The following ARHGEF3 variants were observed in gnomAD, a reference collection of about 807,000 sequenced individuals.
ARHGEF3 encodes 59.8 kDA protein.
In ARHGEF3, 28 loss-of-function variants were observed where a neutral mutation model predicts 63.2. The observed-to-expected ratio is 0.44, with a 90% CI of 0.33 to 0.61. ARHGEF3 has a LOEUF of 0.61. ARHGEF3 is among the 20% of genes least tolerant of loss of function. ARHGEF3 has a pLI of 0.03. For synonymous variants in ARHGEF3, 266 were observed against 254.2 expected (o/e 1.05, Z -0.44); for missense variants, 533 against 659.3 (o/e 0.81, Z 2.10).
At chr3:57,052,785 G>T (rs775539964) in intron 1 of ARHGEF3, among the ~76,000 whole-genome samples, 1 of 152,122 alleles carries the variant, frequency 6.6e-6, no homozygotes, top group African/African-American at 2.4e-5. Context: ...GAATCGAAGT[G>T]CGTCCTTCTC....
At chr3:56,745,062 T>C (rs1259063691) in intron 7 of ARHGEF3, 143 bp downstream of exon 7, 2 of 1,068,518 alleles carry the variant, frequency 1.9e-6, no homozygotes, top group Non-Finnish European at 2.7e-6. Context: ...AATCAAAACA[T>C]GGTTGATGGC....
intron 2 of ARHGEF3, among the ~76,000 whole-genome samples, chr3:56,961,619 T>C (rs1700284209): frequency 6.7e-6 from 1 of 149,010 alleles, no homozygotes; most frequent in Non-Finnish European, 1.5e-5. Context: ...GCAACTTAAG[T>C]GTCCCTGTCA....
intron 1 of ARHGEF3, chr3:57,060,409 G>C (rs1432710364): frequency 6.6e-6 from 1 of 152,168 alleles, no homozygotes; most frequent in Non-Finnish European, 1.5e-5. Context: ...AAAAAGTCTA[G>C]GTTCTGCAGG....
intron 2 of ARHGEF3, among the ~76,000 whole-genome samples, chr3:56,979,751 T>C (rs1701255905): frequency 6.6e-6 from 1 of 152,228 alleles, no homozygotes; most frequent in African/African-American, 2.4e-5. Context: ...CTTAGCCCTT[T>C]GTGGGTGACT....
chr3:56,829,458 T>C (rs1447474371), intron 4 of ARHGEF3, among the ~76,000 whole-genome samples: 1 of 152,128 alleles, frequency 6.6e-6, no homozygotes, highest in Non-Finnish European at 1.5e-5. Flanking sequence ...TCAAAGCCCA[T>C]AGTTGGAATA....
intron 2 of ARHGEF3, among the ~76,000 whole-genome samples, chr3:56,976,918 C>G (rs527348729): frequency 6.6e-6 from 1 of 152,022 alleles, no homozygotes; most frequent in South Asian, 2.1e-4. Flanking sequence ...ACCTCAATGA[C>G]GGCTAAAAAA....
chr3:56,953,343 G>A (rs1187520551), intron 3 of ARHGEF3, among the ~76,000 whole-genome samples: 1 of 152,222 alleles, frequency 6.6e-6, no homozygotes, highest in Non-Finnish European at 1.5e-5. Flanking sequence ...TCTATACACG[G>A]AGAATGGAAT....
At chr3:57,060,928 A>G (rs1348123551) in intron 1 of ARHGEF3, 1 of 152,156 alleles carries the variant, frequency 6.6e-6, no homozygotes, top group Non-Finnish European at 1.5e-5. Flanking sequence ...ATAAAGAAAA[A>G]GTCCAGGAGA....
At chr3:57,057,602 G>A (rs1024833348) in intron 1 of ARHGEF3, among the ~76,000 whole-genome samples, 4 of 151,850 alleles carry the variant, frequency 2.6e-5, no homozygotes, top group African/African-American at 9.7e-5. Context: ...CCCAGGGTAA[G>A]TCACACCCAC....
At chr3:56,811,581 G>T (rs375311226) in intron 4 of ARHGEF3, among the ~76,000 whole-genome samples, 1 of 152,150 alleles carries the variant, frequency 6.6e-6, no homozygotes, top group Non-Finnish European at 1.5e-5. Flanking sequence ...GGGGCTAGTT[G>T]GTGTGGGTTA....
At chr3:56,980,489 T>C (rs1212102909) in intron 2 of ARHGEF3, among the ~76,000 whole-genome samples, 1 of 152,202 alleles carries the variant, frequency 6.6e-6, no homozygotes, top group Non-Finnish European at 1.5e-5. Context: ...AGGCGACTCA[T>C]TGTGGGTCGG....
intron 3 of ARHGEF3, among the ~76,000 whole-genome samples, chr3:56,914,529 T>C (rs987941320): frequency 2.0e-5 from 3 of 152,206 alleles, no homozygotes; most frequent in African/African-American, 7.2e-5. Context: ...TTAGAGGTAA[T>C]AATGAAATGC....
intron 2 of ARHGEF3, among the ~76,000 whole-genome samples, chr3:56,968,313 AAATATATTTTATATATATAT>A (rs1700748856): frequency 3.4e-5 from 2 of 58,498 alleles, no homozygotes; most frequent in Non-Finnish European, 6.8e-5. Context: ...AATATATATA[AAATATATTTTATATATATAT>A]AATATATAAT....
At chr3:57,007,067 C>A in intron 2 of ARHGEF3, 1 of 939,172 alleles carries the variant, frequency 1.1e-6, no homozygotes, top group Middle Eastern at 4.7e-4. Context: ...ACTCTGGGTG[C>A]TGACTATTAA....
chr3:57,072,226 T>G (rs1705947211), intron 1 of ARHGEF3, among the ~76,000 whole-genome samples: 2 of 152,110 alleles, frequency 1.3e-5, no homozygotes, highest in African/African-American at 4.8e-5. Context: ...CTCAAAATGT[T>G]AAGAGTTACC....
At chr3:57,042,207 C>G (rs1242797531) in intron 1 of ARHGEF3, among the ~76,000 whole-genome samples, 2 of 152,062 alleles carry the variant, frequency 1.3e-5, no homozygotes, top group Non-Finnish European at 2.9e-5. Context: ...GAGACATACC[C>G]TATGAAAAAC....
intron 3 of ARHGEF3, among the ~76,000 whole-genome samples, chr3:56,886,518 T>C (rs1308930621): frequency 6.6e-6 from 1 of 152,026 alleles, no homozygotes; most frequent in Non-Finnish European, 1.5e-5. Flanking sequence ...ATCTACAGAG[T>C]AGCTCATGGA....
chr3:56,967,344 C>A (rs184655829), intron 2 of ARHGEF3, among the ~76,000 whole-genome samples: 5 of 48,052 alleles, frequency 1.0e-4, no homozygotes, highest in East Asian at 8.1e-4. Flanking sequence ...TTGTACATAT[C>A]ATATATTATA....
chr3:57,022,614 G>A (rs1224401631), intron 2 of ARHGEF3, among the ~76,000 whole-genome samples: 1 of 152,066 alleles, frequency 6.6e-6, no homozygotes, highest in Non-Finnish European at 1.5e-5. Flanking sequence ...ACTCACAGCT[G>A]TACCCAAACA....
Sources: gnomAD v4.1 joint callset for allele counts (sites outside exome capture counted in the v4.1 genomes callset) on GRCh38, gnomAD v4.1.1 for gene constraint, MANE v1.5 for transcripts, NCBI Gene and HGNC (gene_info 2026-07-23, HGNC 2026-07-21) for gene names.